The following ZNF804A variants were observed in gnomAD, a reference collection of about 807,000 sequenced individuals.
The protein encoded by ZNF804A is zinc finger protein 804A.
A neutral mutation model predicts 16.5 loss-of-function variants in ZNF804A; 2 were observed. The observed-to-expected ratio is 0.12, with a 90% CI of 0.05 to 0.38. The LOEUF (loss-of-function observed/expected upper bound fraction) is 0.38, where lower values mean the gene tolerates loss of function less well. ZNF804A is among the 10% of genes least tolerant of loss of function. The probability of loss-of-function intolerance (pLI) is 0.99; values close to 1 mark genes in which losing one functional copy is unlikely to be tolerated. For synonymous variants in ZNF804A, 534 were observed against 489.6 expected (o/e 1.09, Z -1.20); for missense variants, 1,473 against 1,390.7 (o/e 1.06, Z -0.94).
At chr2:184,875,691 G>A (rs531888828) in intron 2 of ZNF804A, among the ~76,000 whole-genome samples, 2 of 150,144 alleles carry the variant, frequency 1.3e-5, no homozygotes, top group Admixed American at 6.7e-5. Flanking sequence ...CTTTCTAAGT[G>A]ATTCTTTCAT....
chr2:184,778,026 T>A (rs999861029), intron 1 of ZNF804A, among the ~76,000 whole-genome samples: 1 of 151,732 alleles, frequency 6.6e-6, no homozygotes, highest in African/African-American at 2.4e-5. Flanking sequence ...TTAGCTTTTT[T>A]AATGTGACTT....
intron 1 of ZNF804A, among the ~76,000 whole-genome samples, chr2:184,824,012 C>T (rs1695124096): frequency 6.6e-6 from 1 of 151,938 alleles, no homozygotes; most frequent in South Asian, 2.1e-4. Flanking sequence ...TTCTTTATTT[C>T]CTCCATTGTA....
At chr2:184,859,503 C>A (rs745726167) in intron 1 of ZNF804A, among the ~76,000 whole-genome samples, 1 of 151,970 alleles carries the variant, frequency 6.6e-6, no homozygotes, top group Non-Finnish European at 1.5e-5. Context: ...TTGTCTTCCT[C>A]ATTTTATTTA....
chr2:184,655,746 G>A (rs1241487757), intron 1 of ZNF804A, among the ~76,000 whole-genome samples: 4 of 151,692 alleles, frequency 2.6e-5, no homozygotes, highest in African/African-American at 9.7e-5. Context: ...TTGAGGGAAG[G>A]CCCTACTATT....
At chr2:184,810,901 G>C (rs1694888412) in intron 1 of ZNF804A, among the ~76,000 whole-genome samples, 1 of 152,148 alleles carries the variant, frequency 6.6e-6, no homozygotes, top group Non-Finnish European at 1.5e-5. Context: ...AAATATCTCT[G>C]AAAAGGTGTC....
intron 1 of ZNF804A, among the ~76,000 whole-genome samples, chr2:184,851,329 T>G (rs1462770704): frequency 6.6e-6 from 1 of 151,692 alleles, no homozygotes; most frequent in East Asian, 1.9e-4. Flanking sequence ...GACGAACATC[T>G]CTCCATACCC....
intron 1 of ZNF804A, among the ~76,000 whole-genome samples, chr2:184,614,621 C>A (rs1410845178): frequency 1.3e-5 from 2 of 152,062 alleles, no homozygotes; most frequent in Admixed American, 6.6e-5. Context: ...TGGATGATAA[C>A]TTATGTGGTA....
chr2:184,882,832 T>C (rs1014708489), intron 2 of ZNF804A, among the ~76,000 whole-genome samples: 1 of 151,920 alleles, frequency 6.6e-6, no homozygotes, highest in African/African-American at 2.4e-5. Flanking sequence ...ATTAAAAAAC[T>C]AGAGAGATCT....
At chr2:184,647,159 T>C (rs1691891223) in intron 1 of ZNF804A, among the ~76,000 whole-genome samples, 2 of 152,156 alleles carry the variant, frequency 1.3e-5, no homozygotes, top group Non-Finnish European at 2.9e-5. Flanking sequence ...GTATTCACTA[T>C]AGTTGCACCC....
chr2:184,766,003 AATT>A (rs1372746120), intron 1 of ZNF804A, among the ~76,000 whole-genome samples: 5 of 152,142 alleles, frequency 3.3e-5, no homozygotes, highest in African/African-American at 1.2e-4. Context: ...AGGAGAAATA[AATT>A]ATTATTGTAG....
chr2:184,861,393 A>ACACAAAAT (rs1326280511), intron 1 of ZNF804A, among the ~76,000 whole-genome samples: 3 of 152,116 alleles, frequency 2.0e-5, no homozygotes, highest in African/African-American at 7.2e-5. Context: ...TTGTGTGTGA[A>ACACAAAAT]TAGTTGTTTA....
chr2:184,833,097 A>T (rs1307658905), intron 1 of ZNF804A, among the ~76,000 whole-genome samples: 1 of 151,962 alleles, frequency 6.6e-6, no homozygotes, highest in Non-Finnish European at 1.5e-5. Context: ...TAACTGTCCT[A>T]GTTTATATTC....
In ZNF804A at chr2:184,796,250, T is replaced by C. The variant is rs1357833450; in HGVS notation, c.112-70119T>C. On this transcript the variant is annotated intron_variant, in intron 1 of 3. Coordinates refer to ENST00000302277, the MANE Select transcript of ZNF804A (RefSeq NM_194250.2). ...ACTTCATAAAATGATTTAGGGAGGA[T>C]TCGTTATTTCTTTATCTTGTGGGAT... Among the ~76,000 whole-genome samples the C allele has an allele frequency of 2.6e-5, 4 of 152,082 alleles. No homozygotes were observed. In the East Asian group the frequency reaches 7.7e-4, roughly 29 times the overall value.
intron 1 of ZNF804A, among the ~76,000 whole-genome samples, chr2:184,833,157 G>A (rs1695291542): frequency 6.6e-6 from 1 of 151,922 alleles, no homozygotes; most frequent in South Asian, 2.1e-4. Context: ...TCTCAGCAAT[G>A]GGATTAAGTA....
intron 1 of ZNF804A, among the ~76,000 whole-genome samples, chr2:184,605,785 G>A (rs1691136270): frequency 6.6e-6 from 1 of 152,098 alleles, no homozygotes; most frequent in South Asian, 2.1e-4. Context: ...CCATGGATAT[G>A]CAGAGATAAC....
At chr2:184,725,280 C>A (rs569507505) in intron 1 of ZNF804A, among the ~76,000 whole-genome samples, 1 of 151,470 alleles carries the variant, frequency 6.6e-6, no homozygotes, top group African/African-American at 2.4e-5. Flanking sequence ...TTTAATATAA[C>A]GGTTATGGTT....
intron 1 of ZNF804A, among the ~76,000 whole-genome samples, chr2:184,754,046 G>T (rs146028455): frequency 6.6e-6 from 1 of 151,436 alleles, no homozygotes; most frequent in Admixed American, 6.6e-5. Context: ...CTGTATTTAT[G>T]ATCTGAAAAT....
At chr2:184,703,801 A>C (rs759394801) in intron 1 of ZNF804A, among the ~76,000 whole-genome samples, 1 of 151,964 alleles carries the variant, frequency 6.6e-6, no homozygotes, top group African/African-American at 2.4e-5. Context: ...TGCAGTATAG[A>C]TATGAGGCAC....
At chr2:184,874,875 A>T (rs1466126888) in intron 2 of ZNF804A, among the ~76,000 whole-genome samples, 1 of 152,202 alleles carries the variant, frequency 6.6e-6, no homozygotes, top group Non-Finnish European at 1.5e-5. Flanking sequence ...TATGCAGATA[A>T]ATGTTAAATG....
Sources: gnomAD v4.1 joint callset for allele counts (sites outside exome capture counted in the v4.1 genomes callset) on GRCh38, gnomAD v4.1.1 for gene constraint, MANE v1.5 for transcripts, NCBI Gene and HGNC (gene_info 2026-07-23, HGNC 2026-07-21) for gene names.